Variants in ZHX2 observed in about 807,000 individuals in gnomAD.
The protein encoded by ZHX2 is zinc fingers and homeoboxes 2.
A neutral mutation model predicts 21.9 loss-of-function variants in ZHX2; 6 were observed. The ratio of observed to expected loss-of-function variants is 0.27; its 90% CI spans 0.15 to 0.54. The LOEUF (loss-of-function observed/expected upper bound fraction) is 0.54, where lower values mean the gene tolerates loss of function less well. Ranked by LOEUF, ZHX2 falls within the 20% of genes least tolerant of loss-of-function variation. The probability of loss-of-function intolerance (pLI) is 0.95; values close to 1 mark genes in which losing one functional copy is unlikely to be tolerated. For synonymous variants in ZHX2, 434 were observed against 437.1 expected (o/e 0.99, Z 0.09); for missense variants, 908 against 1,090.7 (o/e 0.83, Z 2.36).
chr8:122,891,926 C>T (rs117284238), intron 2 of ZHX2, among the ~76,000 whole-genome samples: 45 of 152,204 alleles, frequency 3.0e-4, no homozygotes, highest in African/African-American at 4.1e-4. Context: ...CGTAAATGTC[C>T]GCTAGGTCTA....
At chr8:122,784,106 G>A (rs1027095692) in intron 1 of ZHX2, among the ~76,000 whole-genome samples, 33 of 152,382 alleles carry the variant, frequency 2.2e-4, no homozygotes, top group African/African-American at 7.7e-4. Context: ...TGGCACTGAA[G>A]AAAGGGTATT....
At chr8:122,882,499 C>G (rs559822496) in intron 2 of ZHX2, among the ~76,000 whole-genome samples, 52 of 152,180 alleles carry the variant, frequency 3.4e-4, no homozygotes, top group African/African-American at 1.2e-3. Context: ...TGGACAATAA[C>G]GAAATATACA....
intron 3 of ZHX2, among the ~76,000 whole-genome samples, chr8:122,970,029 C>T (rs949300943): frequency 1.3e-5 from 2 of 152,088 alleles, no homozygotes; most frequent in Admixed American, 6.5e-5. Context: ...TGTCCTGGGA[C>T]GTGTTCACCG....
At chr8:122,877,870 C>G (rs909367714) in intron 2 of ZHX2, among the ~76,000 whole-genome samples, 1 of 152,138 alleles carries the variant, frequency 6.6e-6, no homozygotes, top group Admixed American at 6.6e-5. Context: ...CTACAATAGG[C>G]AGATTCTTGG....
At chr8:122,935,571 TG>T (rs1327923896) in intron 2 of ZHX2, among the ~76,000 whole-genome samples, 4 of 147,948 alleles carry the variant, frequency 2.7e-5, no homozygotes, top group Non-Finnish European at 4.5e-5. Flanking sequence ...AGTCTCACTC[TG>T]TCACCCAGGC....
chr8:122,924,604 G>GTTA (rs1820809713), intron 2 of ZHX2, among the ~76,000 whole-genome samples: 1 of 152,136 alleles, frequency 6.6e-6, no homozygotes, highest in Non-Finnish European at 1.5e-5. Flanking sequence ...ATCTCCACAG[G>GTTA]TCATAACCCA....
chr8:122,866,713 A>G (rs2129654627), intron 2 of ZHX2, among the ~76,000 whole-genome samples: 1 of 152,338 alleles, frequency 6.6e-6, no homozygotes, highest in South Asian at 2.1e-4. Flanking sequence ...GTGTCGAGGC[A>G]TATCCAGGAA....
intron 2 of ZHX2, among the ~76,000 whole-genome samples, chr8:122,882,137 C>T (rs902866571): frequency 2.0e-5 from 3 of 152,250 alleles, no homozygotes; most frequent in Middle Eastern, 3.4e-3. Flanking sequence ...ATTGCCAGCT[C>T]CTTGTCTTAA....
intron 1 of ZHX2, among the ~76,000 whole-genome samples, chr8:122,844,196 G>A (rs56412654): frequency 0.29 from 44,425 of 152,076 alleles, 6,725 homozygotes; most frequent in East Asian, 0.36. Flanking sequence ...AGGCCTCCAC[G>A]CAGAGCTTGG....
intron 1 of ZHX2, among the ~76,000 whole-genome samples, chr8:122,817,527 A>G (rs1300608418): frequency 6.6e-6 from 1 of 152,208 alleles, no homozygotes; most frequent in African/African-American, 2.4e-5. Context: ...AGCATGGGAA[A>G]AGGGGGCTGC....
Position 122,952,427 on chromosome 8 carries a change from T to A in ZHX2, c.917T>A (p.Ile306Asn). 2 of 1,614,140 alleles carry A rather than the reference T, an allele frequency of 1.2e-6. No homozygotes were observed. The highest frequency in any genetic ancestry group is 1.7e-6 in the Non-Finnish European group (2 of 1,180,016). Reference protein sequence around the residue: ...TAASKHPEEHIRIWFATQRLK... With the variant: ...TAASKHPEEHNRIWFATQRLK... ...GCCTCCAAACACCCAGAGGAGCACA[T>A]CAGAATCTGGTTTGCCACCCAGCGC... Residue 306 changes from isoleucine (I) to asparagine (N), a missense_variant, in exon 3 of 4, where the codon ATC becomes AAC. Coordinates refer to ENST00000314393, the MANE Select transcript of ZHX2 (RefSeq NM_014943.5). The surrounding 1 kb of genome is among the most constrained non-coding windows in gnomAD (Gnocchi z 6.9).
At chr8:122,852,643 G>A (rs1051898869) in intron 1 of ZHX2, among the ~76,000 whole-genome samples, 6 of 152,116 alleles carry the variant, frequency 3.9e-5, no homozygotes, top group Admixed American at 1.3e-4. Flanking sequence ...TTTCCAGCTC[G>A]AAAAAATCCA....
Position 122,923,847 on chromosome 8 carries a change from G to A in ZHX2, c.-219-27445G>A, listed in dbSNP as rs1168774549. ...CCAATTATAAATGCTCCATGGGTAT[G>A]CTCTCTGACAGATTCCTGTCGATAA... On this transcript the variant is annotated intron_variant, in intron 2 of 3. Coordinates refer to ENST00000314393, the MANE Select transcript of ZHX2 (RefSeq NM_014943.5). 1.3e-5 allele frequency among the ~76,000 whole-genome samples: 2 copies of A among 152,184 alleles called. 1 individual carries two copies. The highest frequency in any genetic ancestry group is 3.9e-4 in the East Asian group (2 of 5,192).
At chr8:122,826,639 G>C (rs1420289861) in intron 1 of ZHX2, among the ~76,000 whole-genome samples, 1 of 152,202 alleles carries the variant, frequency 6.6e-6, no homozygotes, top group Non-Finnish European at 1.5e-5. Flanking sequence ...GGCGGTGCTA[G>C]GGAGTGTGCT....
chr8:122,904,043 G>A (rs901747079), intron 2 of ZHX2, among the ~76,000 whole-genome samples: 2 of 152,126 alleles, frequency 1.3e-5, no homozygotes, highest in African/African-American at 2.4e-5. Context: ...GGAATGACGT[G>A]GTGGTGAGTT....
intron 3 of ZHX2, among the ~76,000 whole-genome samples, chr8:122,966,552 G>GT (rs1813590393): frequency 1.3e-5 from 2 of 152,086 alleles, no homozygotes; most frequent in South Asian, 4.1e-4. Flanking sequence ...TCCTTTATAG[G>GT]TTACCTGATG....
intron 2 of ZHX2, among the ~76,000 whole-genome samples, chr8:122,913,875 C>T: frequency 6.6e-6 from 1 of 152,198 alleles, no homozygotes; most frequent in East Asian, 1.9e-4. Context: ...GATGTGTACC[C>T]ATAGCCCAAG....
intron 1 of ZHX2, among the ~76,000 whole-genome samples, chr8:122,802,832 G>A (rs891326202): frequency 6.6e-6 from 1 of 152,162 alleles, no homozygotes; most frequent in Admixed American, 6.5e-5. Context: ...CTGGGATACT[G>A]TGTTTATTTA....
rs764812513 is a variant in ZHX2, at chr8:122,951,648, T to C, written c.138T>C (p.Ser46=). 1 of 1,613,848 alleles carries C rather than the reference T, an allele frequency of 6.2e-7. No homozygotes were observed. Among genetic ancestry groups the C allele is most frequent in the Non-Finnish European group, 8.5e-7 (1 of 1,179,936 alleles). Residue 46 remains serine (S), a synonymous_variant, in exon 3 of 4, where the codon AGT becomes AGC. Coordinates refer to ENST00000314393, the MANE Select transcript of ZHX2 (RefSeq NM_014943.5). ...GTPQPDVAKD[S]WAAELENSSK... Reference sequence around the variant, plus strand: ...CACAGCCTGACGTGGCCAAGGACAGTTGGGCAGCAGAACTTGAAAACTCTT... The same window carrying C: ...CACAGCCTGACGTGGCCAAGGACAGCTGGGCAGCAGAACTTGAAAACTCTT...
Sources: allele counts gnomAD v4.1 joint callset (sites outside exome capture counted in the v4.1 genomes callset), GRCh38; gene constraint gnomAD v4.1.1; non-coding constraint Gnocchi (gnomAD v3.1); transcripts MANE v1.5; gene names NCBI Gene and HGNC (gene_info 2026-07-23, HGNC 2026-07-21).